The following NDRG2 variants were observed in gnomAD, a reference collection of about 807,000 sequenced individuals.
NDRG2 encodes protein NDRG2.
In NDRG2, 34 loss-of-function variants were observed where a neutral mutation model predicts 58.2. That is an observed-to-expected ratio of 0.58 (90% CI 0.44 to 0.78). NDRG2 has a LOEUF of 0.78. Among genes scored for constraint, NDRG2 ranks in the 30% least tolerant of loss-of-function variants. The pLI is 0.00. For synonymous variants in NDRG2, 187 were observed against 175.9 expected (o/e 1.06, Z -0.50); for missense variants, 434 against 471.2 (o/e 0.92, Z 0.73).
intron 1 of NDRG2, among the ~76,000 whole-genome samples, chr14:21,045,923 T>C (rs1437543200): frequency 1.3e-5 from 2 of 152,200 alleles, no homozygotes; most frequent in East Asian, 3.9e-4. Flanking sequence ...GTTTCCTATG[T>C]GAAAGCTCAT....
intron 5 of NDRG2, 46 bp from the exon 6 acceptor site, chr14:21,021,925 A>C: frequency 1.2e-6 from 2 of 1,610,290 alleles, no homozygotes; most frequent in South Asian, 2.2e-5. Context: ...CTGCCCTCAC[A>C]CCCCCCACCT....
chr14:21,030,566 C>T (rs767435793), upstream of NDRG2: 47 of 1,611,806 alleles, frequency 2.9e-5, 1 homozygote, highest in Middle Eastern at 1.6e-4. Context: ...CTGCCCTCCC[C>T]GACCTCTAGC....
At chr14:21,019,886 C>A (rs1217080000) in intron 9 of NDRG2, 34 bp downstream of exon 9, 1 of 1,610,086 alleles carries the variant, frequency 6.2e-7, no homozygotes, top group African/African-American at 1.3e-5. Flanking sequence ...CTGCTGCTCC[C>A]GTCGACTCTT....
intron 1 of NDRG2, among the ~76,000 whole-genome samples, chr14:21,049,354 G>T (rs1451430039): frequency 6.6e-6 from 1 of 152,158 alleles, no homozygotes. Context: ...ATGTCCAGTG[G>T]ATTGGTTATA....
intron 1 of NDRG2, among the ~76,000 whole-genome samples, chr14:21,053,810 G>GA (rs540565887): frequency 0.01 from 1,513 of 146,736 alleles, 17 homozygotes; most frequent in Non-Finnish European, 0.017. Context: ...CCTTAAAAAA[G>GA]AAAAAAAAAA....
chr14:21,032,861 AG>A (rs1294344658), intron 1 of NDRG2: 8 of 440,316 alleles, frequency 1.8e-5, no homozygotes, highest in Admixed American at 1.0e-4. Context: ...ATGGGTTGAC[AG>A]GAAGTTACAA....
At chr14:21,067,467 C>G (rs569893511) in intron 1 of NDRG2, among the ~76,000 whole-genome samples, 1 of 152,108 alleles carries the variant, frequency 6.6e-6, no homozygotes, top group Non-Finnish European at 1.5e-5. Flanking sequence ...TTACTGGTTG[C>G]GACTGAAGCC....
At chr14:21,049,192 C>A (rs1566500950) in intron 1 of NDRG2, among the ~76,000 whole-genome samples, 1 of 152,272 alleles carries the variant, frequency 6.6e-6, no homozygotes, top group South Asian at 2.1e-4. Flanking sequence ...TTCCAACTTC[C>A]CCTCCTGAGA....
In NDRG2 at chr14:21,034,270, G is replaced by A. The variant is rs140441722; in HGVS notation, c.25-10949C>T. On this transcript the variant is annotated intron_variant, in intron 1 of 14. Transcript: ENST00000403829. Reference sequence around the variant, plus strand: ...AGAACAAGCTGGAGGAAAAGGAGCCGGGTCACAGCTGGTGCCATTCCTCCT... The same window carrying A: ...AGAACAAGCTGGAGGAAAAGGAGCCAGGTCACAGCTGGTGCCATTCCTCCT... The A allele has an allele frequency of 4.4e-4, 707 of 1,612,264 alleles. 3 individuals carry two copies. In the East Asian group the frequency reaches 9.2e-3, roughly 21 times the overall value.
Position 21,017,527 on chromosome 14 carries a change from T to C in NDRG2, c.*69A>G. 2.0e-6 allele frequency: 3 copies of C among 1,534,912 alleles called. No homozygotes were observed. Among genetic ancestry groups the C allele is most frequent in the South Asian group, 1.2e-5 (1 of 80,344 alleles). On this transcript the variant is annotated 3_prime_UTR_variant, in exon 16 of 16. Coordinates refer to ENST00000556147, the MANE Select transcript of NDRG2 (RefSeq NM_001320329.2). ...CTTGCTTACGGTGGCCCAATGCCCC[T>C]TCAGCACCTCCCAGGTTAGCTCTGG...
At position 21,068,177 on chromosome 14, in the gene NDRG2, T is replaced by G; in HGVS notation, c.24+2651A>C. Reference sequence around the variant, plus strand: ...ACCACGCCCGGCTAATTTTTTGTATTTTTAGTAGAGACGGGGTTTCACCGT... The same window carrying G: ...ACCACGCCCGGCTAATTTTTTGTATGTTTAGTAGAGACGGGGTTTCACCGT... On this transcript the variant is annotated intron_variant, in intron 1 of 14. Coordinates refer to the NDRG2 transcript ENST00000403829. Among the ~76,000 whole-genome samples, 2 of 48,606 alleles carry G rather than the reference T, an allele frequency of 4.1e-5. 1 individual carries two copies. Among genetic ancestry groups the G allele is most frequent in the Non-Finnish European group, 1.2e-4 (2 of 16,652 alleles). The allele number at this position is 48,606 out of a possible 152,430, so 31.9% of individuals were successfully genotyped here.
At chr14:21,018,720 C>A in intron 12 of NDRG2, 43 bp downstream of exon 12, 1 of 1,612,812 alleles carries the variant, frequency 6.2e-7, no homozygotes, top group African/African-American at 1.3e-5. Context: ...CACTTTAGGA[C>A]CCCAACCCTC....
chr14:21,051,356 T>C (rs1885458840), intron 1 of NDRG2, among the ~76,000 whole-genome samples: 1 of 152,190 alleles, frequency 6.6e-6, no homozygotes, highest in East Asian at 1.9e-4. Context: ...ATGTTAACTA[T>C]GATTGTTTTT....
intron 1 of NDRG2, among the ~76,000 whole-genome samples, chr14:21,052,435 T>C (rs1469552554): frequency 6.6e-6 from 1 of 152,236 alleles, no homozygotes; most frequent in African/African-American, 2.4e-5. Flanking sequence ...AATGTGATCC[T>C]GAGCAAACTC....
Position 21,020,033 on chromosome 14 carries a change from C to T in NDRG2, c.556-57G>A, listed in dbSNP as rs184498688. On this transcript the variant is annotated intron_variant, in intron 8 of 15. Coordinates refer to ENST00000556147, the MANE Select transcript of NDRG2 (RefSeq NM_001320329.2). ...GGTATTGGCCAGGCACAGTGGCTCACGTCTGTAATCCCAGCACTTTGGGAG... is the reference window on the plus strand; with the variant it reads ...GGTATTGGCCAGGCACAGTGGCTCATGTCTGTAATCCCAGCACTTTGGGAG... 4.7e-4 allele frequency: 713 copies of T among 1,522,040 alleles called. 3 individuals are homozygous for T. In the African/African-American group the frequency reaches 8.4e-3, roughly 18 times the overall value. The allele number at this position is 1,522,040 out of a possible 1,614,324, so 94.3% of individuals were successfully genotyped here. A position where few individuals can be genotyped will look rare whatever the true frequency, so the allele number is the denominator to read the frequency against.
intron 1 of NDRG2, chr14:21,048,508 C>T (rs749558964): frequency 1.3e-5 from 2 of 152,238 alleles, no homozygotes; most frequent in Non-Finnish European, 2.9e-5. Flanking sequence ...CTACTCTCCT[C>T]AGCCTCCCAA....
At position 21,070,180 on chromosome 14, in the gene NDRG2, C is replaced by T. The variant is rs1594537172; in HGVS notation, c.24+648G>A. On this transcript the variant is annotated intron_variant, in intron 1 of 14. Transcript: ENST00000403829. This position sits in a 1 kb window ranked among gnomAD's most constrained non-coding sequence, Gnocchi z 4.7. Reference sequence around the variant, plus strand: ...CCCGGCAAGGGGTCCCGCGCGGAGGCGGGGGCGGGCGCTGAAGGGCGGGGC... The same window carrying T: ...CCCGGCAAGGGGTCCCGCGCGGAGGTGGGGGCGGGCGCTGAAGGGCGGGGC... 9.0e-6 allele frequency: 2 copies of T among 221,378 alleles called. No homozygotes were observed. Among genetic ancestry groups the T allele is most frequent in the African/African-American group, 2.9e-5 (1 of 34,740 alleles). 13.7% of individuals were successfully genotyped at this position (221,378 alleles called of 1,614,324 possible).
chr14:21,063,409 A>G (rs879837352), intron 1 of NDRG2, among the ~76,000 whole-genome samples: 9 of 152,352 alleles, frequency 5.9e-5, no homozygotes, highest in Admixed American at 5.9e-4. Flanking sequence ...CTTGGAATCA[A>G]TCACTTAGGT....
rs1877404356 is a variant in NDRG2, at chr14:21,017,621, C to T, written c.1091G>A (p.Gly364Glu). Residue 364 changes from glycine to glutamate, a missense_variant, in exon 16 of 16, where the codon GGG becomes GAG. Gly to Glu is a moderately conservative substitution (Grantham distance 98). Coordinates refer to ENST00000556147, the MANE Select transcript of NDRG2 (RefSeq NM_001320329.2). ...TCAACAGGAGACCTCCATGGTGTGC[C>T]CCGGGGGCCCCGAAGAAAGAGTTCC... ...ESGTLSSGPP[G>E]HTMEVSC 6.2e-7 allele frequency: 1 copy of T among 1,613,724 alleles called. No individual in the cohort carries two copies. Among genetic ancestry groups the T allele is most frequent in the Non-Finnish European group, 8.5e-7 (1 of 1,179,870 alleles).
Sources: gnomAD v4.1 joint callset for allele counts (sites outside exome capture counted in the v4.1 genomes callset) on GRCh38, gnomAD v4.1.1 for gene constraint, Gnocchi (gnomAD v3.1) non-coding constraint, MANE v1.5 for transcripts, NCBI Gene and HGNC (gene_info 2026-07-23, HGNC 2026-07-21) for gene names.